LRRTM3: variants seen among roughly 807,000 people sequenced by gnomAD.
The protein encoded by LRRTM3 is leucine-rich repeat transmembrane neuronal protein 3.
LRRTM3 carries 24 observed loss-of-function variants against 44.7 expected under a neutral mutation model. The observed-to-expected ratio is 0.54, with a 90% CI of 0.39 to 0.76. The LOEUF is 0.76. Among genes scored for constraint, LRRTM3 ranks in the 30% least tolerant of loss-of-function variants. The pLI is 0.00. For synonymous variants in LRRTM3, 277 were observed against 278.7 expected (o/e 0.99, Z 0.06); for missense variants, 587 against 702.2 (o/e 0.84, Z 1.85).
intron 2 of LRRTM3, among the ~76,000 whole-genome samples, chr10:66,967,519 C>A (rs948710274): frequency 6.6e-6 from 1 of 151,880 alleles, no homozygotes; most frequent in Non-Finnish European, 1.5e-5. Flanking sequence ...CTCAGCAATA[C>A]AAGATTTCAA....
chr10:66,994,987 T>TC (rs912530795), intron 2 of LRRTM3, among the ~76,000 whole-genome samples: 3 of 152,138 alleles, frequency 2.0e-5, no homozygotes, highest in Non-Finnish European at 4.4e-5. Flanking sequence ...TCCTGCTACT[T>TC]CTGTCCTGGT....
rs1208333683 is a variant in LRRTM3, at chr10:67,101,256, A to G, written c.*3460A>G. ...AAAAAACCAAAGACCTTCTAAATTGAGACTGCATAATTATAAAAGAGATCC... is the reference window on the plus strand; with the variant it reads ...AAAAAACCAAAGACCTTCTAAATTGGGACTGCATAATTATAAAAGAGATCC... On this transcript the variant is annotated 3_prime_UTR_variant, in exon 3 of 3. Transcript: ENST00000361320. 6.6e-6 allele frequency among the ~76,000 whole-genome samples: 1 copy of G among 151,778 alleles called. No homozygotes were observed. The highest frequency in any genetic ancestry group is 6.6e-5 in the Admixed American group (1 of 15,174).
rs1858339899 is a variant in LRRTM3, at chr10:67,101,496, T to A, written c.*3700T>A. On this transcript the variant is annotated 3_prime_UTR_variant, in exon 3 of 3. Coordinates refer to ENST00000361320, the MANE Select transcript of LRRTM3 (RefSeq NM_178011.5). ...AAAATATAATTTATCCAAATTGATGTATAGAACCTAAAACATATGCTAACT... is the reference window on the plus strand; with the variant it reads ...AAAATATAATTTATCCAAATTGATGAATAGAACCTAAAACATATGCTAACT... 6.6e-6 allele frequency among the ~76,000 whole-genome samples: 1 copy of A among 151,790 alleles called. No individual in the cohort carries two copies. Among genetic ancestry groups the A allele is most frequent in the Non-Finnish European group, 1.5e-5 (1 of 67,822 alleles).
At chr10:66,964,417 A>T (rs1292644825) in intron 2 of LRRTM3, among the ~76,000 whole-genome samples, 1 of 152,154 alleles carries the variant, frequency 6.6e-6, no homozygotes, top group Non-Finnish European at 1.5e-5. Context: ...AAACTGGCAC[A>T]AAAGTACTGT....
rs183587080 is a variant in LRRTM3 at position 66,999,720 on chromosome 10, T to C, written c.1536+71268T>C. Among the ~76,000 whole-genome samples the C allele has an allele frequency of 3.9e-5, 6 of 152,318 alleles. No individual in the cohort carries two copies. In the East Asian group the frequency reaches 1.2e-3, roughly 29 times the overall value. The stretch of plus-strand genomic sequence containing the variant: ...GAATAATGTACATTTCATAAGTCTT[T>C]AAGCAAAAAACAATTGGCAATTTTA... On this transcript the variant is annotated intron_variant, in intron 2 of 2. Transcript: ENST00000361320.
intron 2 of LRRTM3, among the ~76,000 whole-genome samples, chr10:67,059,293 T>C (rs992039640): frequency 6.6e-6 from 1 of 152,148 alleles, no homozygotes; most frequent in Non-Finnish European, 1.5e-5. Flanking sequence ...ATTGACATCA[T>C]GTTAGTGATG....
intron 2 of LRRTM3, among the ~76,000 whole-genome samples, chr10:67,014,073 A>T (rs1388188954): frequency 6.6e-6 from 1 of 152,192 alleles, no homozygotes; most frequent in African/African-American, 2.4e-5. Context: ...TTTTCCCCTT[A>T]AAGCAAAGAA....
At chr10:67,004,421 C>T (rs1191152693) in intron 2 of LRRTM3, among the ~76,000 whole-genome samples, 4 of 152,198 alleles carry the variant, frequency 2.6e-5, no homozygotes, top group South Asian at 4.1e-4. Context: ...AAAATGATGA[C>T]ACATGTAAGG....
At chr10:66,973,488 C>T (rs1209286621) in intron 2 of LRRTM3, among the ~76,000 whole-genome samples, 1 of 152,126 alleles carries the variant, frequency 6.6e-6, no homozygotes, top group Non-Finnish European at 1.5e-5. Flanking sequence ...GGTAACCAAG[C>T]AATTCTATAT....
chr10:66,997,555 T>C (rs368327904), intron 2 of LRRTM3, among the ~76,000 whole-genome samples: 4 of 152,178 alleles, frequency 2.6e-5, no homozygotes, highest in African/African-American at 7.2e-5. Context: ...AGTAAATCTC[T>C]TAATATGTAT....
chr10:67,082,147 AAC>A lies in LRRTM3; in HGVS notation c.1537-15438_1537-15437del, dbSNP rs974780942. Among the ~76,000 whole-genome samples, 218 of 152,328 alleles carry A rather than the reference AAC, an allele frequency of 1.4e-3. 1 individual carries two copies. Among genetic ancestry groups the A allele is most frequent in the African/African-American group, 5.0e-3 (208 of 41,562 alleles). On this transcript the variant is annotated intron_variant, in intron 2 of 2. Transcript: ENST00000361320. ...TAGAGAGGATTTTTTAAAATTAAAA[AAC>A]AGAGAATTTTTATATTACATTTTAA...
chr10:67,018,302 C>T (rs1198423566), intron 2 of LRRTM3, among the ~76,000 whole-genome samples: 2 of 152,120 alleles, frequency 1.3e-5, no homozygotes, highest in African/African-American at 2.4e-5. Flanking sequence ...GTTTACTCTT[C>T]GCTTTCACCC....
At chr10:67,022,219 T>G in intron 2 of LRRTM3, among the ~76,000 whole-genome samples, 1 of 151,940 alleles carries the variant, frequency 6.6e-6, no homozygotes, top group East Asian at 1.9e-4. Flanking sequence ...ATATAAAAGA[T>G]AGGAAATTCA....
chr10:67,039,835 T>C (rs1854285152), intron 2 of LRRTM3, among the ~76,000 whole-genome samples: 1 of 152,172 alleles, frequency 6.6e-6, no homozygotes, highest in African/African-American at 2.4e-5. Flanking sequence ...ATTGCTATGT[T>C]ATATAATAAT....
At chr10:66,978,552 A>AATATATATAT (rs1554890349) in intron 2 of LRRTM3, among the ~76,000 whole-genome samples, 859 of 37,796 alleles carry the variant, frequency 0.023, 24 homozygotes, top group Non-Finnish European at 0.026. Context: ...AAAAAAAAAA[A>AATATATATAT]ATATATATAT....
intron 2 of LRRTM3, among the ~76,000 whole-genome samples, chr10:66,946,742 T>C (rs1472460786): frequency 6.6e-6 from 1 of 152,046 alleles, no homozygotes; most frequent in Non-Finnish European, 1.5e-5. Context: ...CTCATCTCTG[T>C]CCCTCCCCAT....
intron 2 of LRRTM3, among the ~76,000 whole-genome samples, chr10:66,968,542 G>A (rs1049618301): frequency 1.5e-4 from 23 of 151,976 alleles, no homozygotes; most frequent in African/African-American, 5.1e-4. Context: ...GGTTAGAAGC[G>A]ATTGGATTCA....
intron 2 of LRRTM3, among the ~76,000 whole-genome samples, chr10:67,044,493 A>T (rs1339482237): frequency 1.3e-5 from 2 of 152,172 alleles, no homozygotes; most frequent in African/African-American, 4.8e-5. Flanking sequence ...TGTTAGAAAG[A>T]TCACTTTTGA....
chr10:67,020,779 A>T (rs1288867895), intron 2 of LRRTM3, among the ~76,000 whole-genome samples: 1 of 152,200 alleles, frequency 6.6e-6, no homozygotes, highest in Non-Finnish European at 1.5e-5. Flanking sequence ...TGACCATGTA[A>T]GTTTCAGAAA....
Sources: gnomAD v4.1 joint callset for allele counts (sites outside exome capture counted in the v4.1 genomes callset) on GRCh38, gnomAD v4.1.1 for gene constraint, MANE v1.5 for transcripts, NCBI Gene and HGNC (gene_info 2026-07-23, HGNC 2026-07-21) for gene names.